Variants in NDUFAF2 observed in about 807,000 individuals in gnomAD.
NDUFAF2 encodes the protein NADH dehydrogenase [ubiquinone] 1 alpha subcomplex assembly factor 2.
NDUFAF2 carries 13 observed loss-of-function variants against 22.8 expected under a neutral mutation model. The ratio of observed to expected loss-of-function variants is 0.57; its 90% CI spans 0.37 to 0.91. NDUFAF2 has a LOEUF of 0.91. Among genes scored for constraint, NDUFAF2 ranks in the 40% least tolerant of loss-of-function variants. The pLI, the probability that NDUFAF2 is intolerant of heterozygous loss-of-function variation, is 0.01. For synonymous variants in NDUFAF2, 53 were observed against 64.2 expected (o/e 0.83, Z 0.84); for missense variants, 162 against 195.2 (o/e 0.83, Z 1.01).
intron 3 of NDUFAF2, among the ~76,000 whole-genome samples, chr5:61,105,622 T>TA (rs1752753321): frequency 9.8e-6 from 1 of 102,458 alleles, no homozygotes; most frequent in Non-Finnish European, 2.0e-5. Context: ...GAAGCAATGA[T>TA]ACTGAGCAAA....
At position 61,104,758 on chromosome 5, in the gene NDUFAF2, A is replaced by C. The variant is rs546131613; in HGVS notation, c.258+5726A>C. 1.8e-4 allele frequency among the ~76,000 whole-genome samples: 27 copies of C among 152,178 alleles called. No homozygotes were observed. The East Asian group carries it at 5.2e-3, about 29-fold the overall frequency. On this transcript the variant is annotated intron_variant, in intron 3 of 3. Transcript: ENST00000296597. ...TGTATTAATTTACAGTAAGAAATGA[A>C]ATTGGCACAGAAAAAAAAAACAGGA...
chr5:61,143,705 A>T (rs1352981872), intron 3 of NDUFAF2, among the ~76,000 whole-genome samples: 1 of 152,154 alleles, frequency 6.6e-6, no homozygotes, highest in Non-Finnish European at 1.5e-5. Context: ...ACCCAGTTAC[A>T]TGGGCCTAAG....
In NDUFAF2 at chr5:61,025,027, G is replaced by C. The variant is rs1443026446; in HGVS notation, c.128-48098G>C. 3.9e-5 allele frequency among the ~76,000 whole-genome samples: 6 copies of C among 152,074 alleles called. No individual in the cohort carries two copies. The East Asian group carries it at 1.2e-3, about 29-fold the overall frequency. On this transcript the variant is annotated intron_variant, in intron 1 of 3. Transcript: ENST00000296597. The stretch of plus-strand genomic sequence containing the variant: ...TTAGAAACTACAGCTCTTTTTGAAA[G>C]CTTCTATAACTGCTTATTGATATAG...
chr5:61,110,669 CT>C (rs1216209923), intron 3 of NDUFAF2, among the ~76,000 whole-genome samples: 1 of 151,860 alleles, frequency 6.6e-6, no homozygotes, highest in East Asian at 1.9e-4. Flanking sequence ...GTAATGTCTC[CT>C]TTTTCACGTC....
intron 2 of NDUFAF2, among the ~76,000 whole-genome samples, chr5:61,093,843 G>T (rs551491319): frequency 2.6e-5 from 4 of 152,224 alleles, no homozygotes; most frequent in South Asian, 2.1e-4. Context: ...AATAGTTCCA[G>T]CTCTTCTTTG....
At chr5:61,025,149 T>C (rs1751633850) in intron 1 of NDUFAF2, among the ~76,000 whole-genome samples, 1 of 152,094 alleles carries the variant, frequency 6.6e-6, no homozygotes, top group Admixed American at 6.6e-5. Flanking sequence ...TTTTTCTTTT[T>C]GCCTCTCAAC....
chr5:60,998,097 A>T (rs1014039825), intron 1 of NDUFAF2, among the ~76,000 whole-genome samples: 1 of 152,182 alleles, frequency 6.6e-6, no homozygotes. Flanking sequence ...ATTTGTAGGT[A>T]CTGTTTAAAT....
At chr5:61,015,785 C>A (rs531619771) in intron 1 of NDUFAF2, among the ~76,000 whole-genome samples, 1 of 152,218 alleles carries the variant, frequency 6.6e-6, no homozygotes, top group African/African-American at 2.4e-5. Context: ...AGGTTAAAAA[C>A]CAACAAAAAT....
At chr5:61,014,765 A>G (rs1397318381) in intron 1 of NDUFAF2, among the ~76,000 whole-genome samples, 1 of 152,196 alleles carries the variant, frequency 6.6e-6, no homozygotes, top group African/African-American at 2.4e-5. Flanking sequence ...AGTTTAAGTA[A>G]AAATAACTCA....
At chr5:60,964,185 A>G (rs1485702957) in intron 1 of NDUFAF2, among the ~76,000 whole-genome samples, 1 of 152,174 alleles carries the variant, frequency 6.6e-6, no homozygotes, top group Non-Finnish European at 1.5e-5. Flanking sequence ...AGTTGCAAGA[A>G]TAATACAAAG....
intron 1 of NDUFAF2, among the ~76,000 whole-genome samples, chr5:60,984,274 C>G (rs538977023): frequency 0.014 from 2,140 of 152,010 alleles, 55 homozygotes; most frequent in African/African-American, 0.049. Flanking sequence ...CTGAAGTTGC[C>G]TATCAGCTTA....
chr5:61,029,790 T>C (rs1040676901), intron 1 of NDUFAF2, among the ~76,000 whole-genome samples: 7 of 152,184 alleles, frequency 4.6e-5, no homozygotes, highest in African/African-American at 1.7e-4. Context: ...CATACATCTC[T>C]AGTCCCAACC....
At chr5:60,948,205 ATTTT>A (rs1750490750) in intron 1 of NDUFAF2, among the ~76,000 whole-genome samples, 1 of 151,972 alleles carries the variant, frequency 6.6e-6, no homozygotes, top group African/African-American at 2.4e-5. Flanking sequence ...ATTTTTTATA[ATTTT>A]TATTTAGTTA....
chr5:60,989,203 A>G (rs1212114620), intron 1 of NDUFAF2, among the ~76,000 whole-genome samples: 4 of 152,216 alleles, frequency 2.6e-5, no homozygotes, highest in Admixed American at 2.6e-4. Flanking sequence ...AATCAGAACC[A>G]CAGCGTGATA....
At chr5:61,127,191 G>A (rs1373175217) in intron 3 of NDUFAF2, among the ~76,000 whole-genome samples, 3 of 152,008 alleles carry the variant, frequency 2.0e-5, no homozygotes, top group Non-Finnish European at 2.9e-5. Flanking sequence ...ATTCACAGCC[G>A]AATTCTACCA....
At chr5:60,997,536 G>A (rs1159750622) in intron 1 of NDUFAF2, among the ~76,000 whole-genome samples, 1 of 152,132 alleles carries the variant, frequency 6.6e-6, no homozygotes, top group African/African-American at 2.4e-5. Context: ...AGCTCTCTTT[G>A]TATAACATAC....
intron 1 of NDUFAF2, among the ~76,000 whole-genome samples, chr5:61,030,552 G>A (rs937622785): frequency 6.6e-6 from 1 of 151,804 alleles, no homozygotes; most frequent in African/African-American, 2.4e-5. Context: ...TTTAATTTAG[G>A]TCTTTTATAT....
chr5:61,032,111 A>G (rs1751735379), intron 1 of NDUFAF2, among the ~76,000 whole-genome samples: 1 of 152,060 alleles, frequency 6.6e-6, no homozygotes, highest in African/African-American at 2.4e-5. Context: ...AGTTCCTTGT[A>G]GATTCTGGTT....
At chr5:61,115,911 A>G (rs1752906587) in intron 3 of NDUFAF2, 1 of 152,208 alleles carries the variant, frequency 6.6e-6, no homozygotes, top group African/African-American at 2.4e-5. Flanking sequence ...TTCTCTATCC[A>G]TTTCAAAACT....
Sources: gnomAD v4.1 joint callset for allele counts (sites outside exome capture counted in the v4.1 genomes callset) on GRCh38, gnomAD v4.1.1 for gene constraint, MANE v1.5 for transcripts, NCBI Gene and HGNC (gene_info 2026-07-23, HGNC 2026-07-21) for gene names.